Variants in SYNM observed in about 807,000 individuals in gnomAD.
SYNM encodes synemin.
SYNM carries 95 observed loss-of-function variants against 104.0 expected under a neutral mutation model. The observed-to-expected ratio is 0.91, with a 90% CI of 0.77 to 1.08. The LOEUF (loss-of-function observed/expected upper bound fraction) is 1.08, where lower values mean the gene tolerates loss of function less well. SYNM is among the 50% of genes least tolerant of loss of function. SYNM has a pLI of 0.00. For synonymous variants in SYNM, 918 were observed against 869.0 expected (o/e 1.06, Z -0.99); for missense variants, 2,150 against 2,052.2 (o/e 1.05, Z -0.92).
chr15:99,136,498 C>G (rs1449341439), downstream of SYNM: 1 of 152,236 alleles, frequency 6.6e-6, no homozygotes, highest in Non-Finnish European at 1.5e-5. Flanking sequence ...GGCTCTCTTC[C>G]GGGCCTGCAG....
chr15:99,130,316 G>T lies in SYNM; in HGVS notation c.1956G>T (p.Gln652His). 1 of 1,613,886 alleles carries T rather than the reference G, an allele frequency of 6.2e-7. No individual in the cohort carries two copies. The highest frequency in any genetic ancestry group is 8.5e-7 in the Non-Finnish European group (1 of 1,179,846). The part of the protein sequence containing the change: ...IVTSILKQFT[Q>H]SPETEASADS... ...CCAGTATCCTGAAGCAGTTCACTCA[G>T]TCTCCAGAGACAGAAGCATCTGCTG... Residue 652 changes from glutamine (Q) to histidine (H), a missense_variant, in exon 4 of 4, where the codon CAG (glutamine) becomes CAT (histidine). Transcript: ENST00000336292.
intron 2 of SYNM, 64 bp downstream of exon 2, chr15:99,113,779 A>G: frequency 3.1e-6 from 5 of 1,593,902 alleles, no homozygotes; most frequent in Non-Finnish European, 4.3e-6. Context: ...ACATGAAGGA[A>G]ACTGGTCTAG....
chr15:99,107,771 G>T (rs2067260798), intron 1 of SYNM, among the ~76,000 whole-genome samples: 1 of 152,102 alleles, frequency 6.6e-6, no homozygotes, highest in Admixed American at 6.5e-5. Context: ...GGACTCCAGG[G>T]CCCACCGGGG....
chr15:99,129,446 A>G lies in SYNM; in HGVS notation c.1086A>G (p.Lys362=), dbSNP rs1555485381. Residue 362 remains lysine, a synonymous_variant, in exon 4 of 4, where the codon AAA becomes AAG. Transcript: ENST00000336292. ...ENERNLFSRQ[K]APLASFNHSS... ...AAAGGAATCTATTTTCAAGGCAGAA[A>G]GCACCTTTGGCAAGTTTCAATCACA... The G allele has an allele frequency of 1.2e-6, 2 of 1,614,072 alleles. No homozygotes were observed. Among genetic ancestry groups the G allele is most frequent in the Admixed American group, 1.7e-5 (1 of 60,030 alleles).
rs1555485652 is a variant in SYNM at position 99,130,689 on chromosome 15, T to C, written c.2329T>C (p.Ser777Pro). Residue 777 changes from serine to proline, a missense_variant, in exon 4 of 4, where the codon TCG becomes CCG. Transcript: ENST00000336292. ...PFKVEEVEDV[S>P]PGPWGLVKEE... ...CAAAGTGGAGGAGGTCGAAGATGTG[T>C]CGCCAGGCCCCTGGGGGTTGGTTAA... 1 of 1,613,620 alleles carries C rather than the reference T, an allele frequency of 6.2e-7. No homozygotes were observed. The highest frequency in any genetic ancestry group is 8.5e-7 in the Non-Finnish European group (1 of 1,179,820).
At position 99,132,127 on chromosome 15, in the gene SYNM, TG is replaced by T. The variant is rs2067516516; in HGVS notation, c.3770del (p.Gly1257ValfsTer11). The T allele has an allele frequency of 1.9e-6, 3 of 1,613,994 alleles. No homozygotes were observed. The African/African-American group carries it at 4.0e-5, about 22-fold the overall frequency. On this transcript the variant is annotated frameshift_variant, in exon 4 of 4. Transcript: ENST00000336292. LOFTEE classifies it high-confidence loss of function. The stretch of plus-strand genomic sequence containing the variant: ...GATTATTTTGCAACAGAAGAGTCAG[TG>T]GGTACCCAGACTTCTGTCAGGCAAC... ...VGDYFATEES[V>X]GTQTSVRQLQ...
At position 99,105,973 on chromosome 15, in the gene SYNM, G is replaced by A. The variant is rs782425561; in HGVS notation, c.774G>A (p.Met258Ile). ...RARLEDALLR[M>I]REEYGIQAEE... is the part of the protein sequence containing the mutation. The stretch of plus-strand genomic sequence containing the variant: ...GGCTGGAGGACGCGCTGCTGCGGAT[G>A]CGCGAGGAGTACGGGATACAGGCCG... The change falls in exon 1 of 4, where the codon ATG becomes ATA. Residue 258 changes from methionine to isoleucine, a missense_variant. By Grantham distance (10) the Met-to-Ile change is conservative. Coordinates refer to ENST00000336292, the MANE Select transcript of SYNM (RefSeq NM_145728.3). 85 of 1,513,750 alleles carry A rather than the reference G, an allele frequency of 5.6e-5. No homozygotes were observed. In the African/African-American group the frequency reaches 9.6e-4, roughly 17 times the overall value. The allele number at this position is 1,513,750 out of a possible 1,614,324, so 93.8% of individuals were successfully genotyped here.
intron 1 of SYNM, among the ~76,000 whole-genome samples, chr15:99,108,365 T>C (rs574349660): frequency 2.0e-5 from 3 of 152,238 alleles, no homozygotes; most frequent in African/African-American, 7.2e-5. Context: ...TTCCCTCAGT[T>C]AACTTAAGTC....
intron 2 of SYNM, among the ~76,000 whole-genome samples, chr15:99,126,455 G>C (rs1567281119): frequency 1.3e-5 from 2 of 152,232 alleles, no homozygotes; most frequent in African/African-American, 4.8e-5. Context: ...TGGTCATTTT[G>C]TTCACTGGGC....
intron 2 of SYNM, among the ~76,000 whole-genome samples, chr15:99,121,142 G>A (rs1254031632): frequency 6.6e-6 from 1 of 152,114 alleles, no homozygotes; most frequent in Non-Finnish European, 1.5e-5. Context: ...AAGAGAATAA[G>A]TTGAGGGAGG....
chr15:99,110,054 C>T (rs1408779399), intron 1 of SYNM, among the ~76,000 whole-genome samples: 2 of 152,090 alleles, frequency 1.3e-5, no homozygotes, highest in African/African-American at 2.4e-5. Flanking sequence ...AGGAAGTGCT[C>T]GAGGCTTGGA....
Position 99,130,450 on chromosome 15 carries a change from A to G in SYNM, c.2090A>G (p.Asp697Gly), listed in dbSNP as rs928913309. The change falls in exon 4 of 4, where the codon GAT (aspartate) becomes GGT (glycine). Residue 697 changes from aspartate to glycine, a missense_variant. Transcript: ENST00000336292. ...GAGTCTAAACTGACTGAGGATGTTG[A>G]TGTTTCCGATGAAGCTGGCCTGGAC... ...VVESKLTEDV[D>G]VSDEAGLDYL... The G allele has an allele frequency of 4.3e-6, 7 of 1,613,778 alleles. No homozygotes were observed. In the East Asian group the frequency reaches 1.6e-4, roughly 36 times the overall value.
intron 2 of SYNM, among the ~76,000 whole-genome samples, chr15:99,125,693 G>C (rs1411691794): frequency 6.6e-6 from 1 of 152,244 alleles, no homozygotes; most frequent in African/African-American, 2.4e-5. Context: ...CCAGCTCTCA[G>C]CCATAAGATT....
At chr15:99,128,240 G>A (rs1233135230) in intron 3 of SYNM, among the ~76,000 whole-genome samples, 1 of 152,208 alleles carries the variant, frequency 6.6e-6, no homozygotes, top group African/African-American at 2.4e-5. Context: ...ACTTGTTAGT[G>A]TGCTTGTGTT....
chr15:99,132,520 A>G lies in SYNM; in HGVS notation c.4160A>G (p.Asp1387Gly), dbSNP rs1555486138. 1.2e-6 allele frequency: 2 copies of G among 1,614,026 alleles called. No homozygotes were observed. Among genetic ancestry groups the G allele is most frequent in the Non-Finnish European group, 8.5e-7 (1 of 1,179,894 alleles). Reference protein sequence around the residue: ...SESPQEDSAEDTSGAEMTSGV... With the variant: ...SESPQEDSAEGTSGAEMTSGV... ...TCTCCCCAGGAGGATAGTGCAGAGG[A>G]CACATCAGGGGCAGAAATGACATCG... The change falls in exon 4 of 4, where the codon GAC (aspartate) becomes GGC (glycine). Residue 1387 changes from aspartate to glycine, a missense_variant. Physicochemically the swap from Asp to Gly is moderately conservative, Grantham distance 94. Coordinates refer to ENST00000336292, the MANE Select transcript of SYNM (RefSeq NM_145728.3).
chr15:99,124,468 A>T (rs1555484861), intron 2 of SYNM, among the ~76,000 whole-genome samples: 3 of 152,174 alleles, frequency 2.0e-5, no homozygotes, highest in African/African-American at 7.2e-5. Flanking sequence ...GGCCATTGAG[A>T]AGGGACACAG....
In SYNM at chr15:99,131,047, CCT is replaced by C. The variant is rs782266935; in HGVS notation, c.2692_2693del (p.Leu898GlyfsTer14). 2.5e-6 allele frequency: 4 copies of C among 1,608,586 alleles called. No homozygotes were observed. Among genetic ancestry groups the C allele is most frequent in the South Asian group, 2.2e-5 (2 of 90,132 alleles). On this transcript the variant is annotated frameshift_variant, in exon 4 of 4. Coordinates refer to ENST00000336292, the MANE Select transcript of SYNM (RefSeq NM_145728.3). LOFTEE classifies it high-confidence loss of function. This position sits in a 1 kb window ranked among gnomAD's most constrained non-coding sequence, Gnocchi z 4.3. ...GTGAAGCCCTTGGATGTCCCAGCGC[CCT>C]CTCTGGAGGGGGACCTGGGTTCCAC...
At chr15:99,127,565 T>C (rs1555485173) in intron 3 of SYNM, among the ~76,000 whole-genome samples, 1 of 152,200 alleles carries the variant, frequency 6.6e-6, no homozygotes, top group Admixed American at 6.5e-5. Flanking sequence ...AGGCAACTCA[T>C]GGATTTGACA....
chr15:99,107,543 G>A (rs537264862), intron 1 of SYNM, among the ~76,000 whole-genome samples: 2 of 152,282 alleles, frequency 1.3e-5, no homozygotes, highest in Admixed American at 1.3e-4. Context: ...GGACCAAATC[G>A]TCACCATGCG....
Sources: allele counts gnomAD v4.1 joint callset (sites outside exome capture counted in the v4.1 genomes callset), GRCh38; gene constraint gnomAD v4.1.1; non-coding constraint Gnocchi (gnomAD v3.1); transcripts MANE v1.5; gene names NCBI Gene and HGNC (gene_info 2026-07-23, HGNC 2026-07-21).